The following KCNV2 variants were observed in gnomAD, a reference collection of about 807,000 sequenced individuals.
The protein encoded by KCNV2 is potassium voltage-gated channel subfamily V member 2.
In KCNV2, 65 loss-of-function variants were observed where a neutral mutation model predicts 37.0. The ratio of observed to expected loss-of-function variants is 1.76; its 90% CI spans 1.44 to 2.16. KCNV2 has a LOEUF of 2.16. Among genes scored for constraint, KCNV2 ranks in the 30% most tolerant of loss-of-function variants. The pLI is 0.00. For synonymous variants in KCNV2, 518 were observed against 328.6 expected, an observed-to-expected ratio of 1.58 and a Z score of -6.23; for missense variants, 1,232 against 766.7, an observed-to-expected ratio of 1.61 and a Z score of -7.17.
chr9:2,720,975 C>A (rs1031594114), intron 1 of KCNV2, among the ~76,000 whole-genome samples: 3 of 152,174 alleles, frequency 2.0e-5, no homozygotes, highest in Non-Finnish European at 4.4e-5. Context: ...ACAATGAAGT[C>A]TAAACCTTTC....
chr9:2,728,376 C>T (rs548079972), intron 1 of KCNV2, among the ~76,000 whole-genome samples: 26 of 152,276 alleles, frequency 1.7e-4, no homozygotes, highest in African/African-American at 5.8e-4. Flanking sequence ...GCTTAAAAGG[C>T]TTCTAGTAAT....
chr9:2,724,301 C>G (rs546433794), intron 1 of KCNV2, among the ~76,000 whole-genome samples: 1 of 152,254 alleles, frequency 6.6e-6, no homozygotes, highest in East Asian at 1.9e-4. Context: ...CTTACAAGAT[C>G]ACTGAAATTA....
intron 1 of KCNV2, among the ~76,000 whole-genome samples, chr9:2,721,243 A>G (rs1335659798): frequency 6.6e-6 from 1 of 152,206 alleles, no homozygotes; most frequent in Non-Finnish European, 1.5e-5. Flanking sequence ...TCTGAAAATT[A>G]TTTATACCAG....
Position 2,729,614 on chromosome 9 carries a change from A to G in KCNV2, c.1525A>G (p.Thr509Ala), listed in dbSNP as rs140745549. The G allele has an allele frequency of 2.0e-5, 33 of 1,614,116 alleles. No individual in the cohort carries two copies. In the African/African-American group the frequency reaches 4.4e-4, roughly 22 times the overall value. Residue 509 changes from threonine to alanine, a missense_variant, in exon 2 of 2, where the codon ACC becomes GCC. Thr to Ala is a moderately conservative substitution (Grantham distance 58, BLOSUM62 0). Transcript: ENST00000382082. Reference protein sequence around the residue: ...YYSKLKAYEYTTIRRERGEVN... With the variant: ...YYSKLKAYEYATIRRERGEVN... ...CAGCAAGCTGAAGGCTTATGAGTAT[A>G]CCACCATACGCAGGGAGAGGGGAGA...
rs1430572787 is a variant in KCNV2, at chr9:2,718,318, G to A, written c.579G>A (p.Lys193=). The A allele has an allele frequency of 1.2e-6, 2 of 1,606,628 alleles. No individual in the cohort carries two copies. The highest frequency in any genetic ancestry group is 8.5e-7 in the Non-Finnish European group (1 of 1,178,354). ...EELGYWGVRL[K]YTPRCCRICF... is the part of the protein sequence containing the mutation. ...TGGGCTACTGGGGCGTGCGGCTCAA[G>A]TACACGCCACGCTGCTGCCGCATCT... Residue 193 remains lysine, a synonymous_variant, in exon 1 of 2, where the codon AAG becomes AAA. Coordinates refer to ENST00000382082, the MANE Select transcript of KCNV2 (RefSeq NM_133497.4).
At position 2,718,700 on chromosome 9, in the gene KCNV2, C is replaced by A. The variant is rs754637111; in HGVS notation, c.961C>A (p.Leu321Ile). The A allele has an allele frequency of 3.7e-6, 6 of 1,613,074 alleles. No individual in the cohort carries two copies. In the South Asian group the frequency reaches 6.6e-5, roughly 18 times the overall value. Residue 321 changes from leucine (L) to isoleucine (I), a missense_variant, in exon 1 of 2, where the codon CTA becomes ATA. Physicochemically the swap from Leu to Ile is conservative, Grantham distance 5. Coordinates refer to ENST00000382082, the MANE Select transcript of KCNV2 (RefSeq NM_133497.4). ...GFFTLEYLLR[L>I]ASTPDLRRFA... ...CTTCACGCTCGAGTACCTGCTGCGC[C>A]TAGCCTCCACGCCCGACCTGAGGCG...
rs752937634 is a variant in KCNV2, at chr9:2,729,683, T to C, written c.1594T>C (p.Leu532=). 1.2e-6 allele frequency: 2 copies of C among 1,614,106 alleles called. No individual in the cohort carries two copies. Among genetic ancestry groups the C allele is most frequent in the South Asian group, 1.1e-5 (1 of 91,076 alleles). The part of the protein sequence containing the change: ...QRARKKIAEC[L]LGSNPQLTPR... ...AGCCAGAAAGAAGATAGCTGAGTGTTTGCTTGGAAGCAACCCACAGCTCAC... is the reference window on the plus strand; with the variant it reads ...AGCCAGAAAGAAGATAGCTGAGTGTCTGCTTGGAAGCAACCCACAGCTCAC... Residue 532 remains leucine, a synonymous_variant, in exon 2 of 2, where the codon TTG becomes CTG. Transcript: ENST00000382082.
intron 1 of KCNV2, 25 bp downstream of exon 1, chr9:2,719,120 C>A (rs1819813963): frequency 1.1e-5 from 17 of 1,602,298 alleles, no homozygotes; most frequent in Non-Finnish European, 1.4e-5. Context: ...CCTGGGCTTT[C>A]CCATCCTCTT....
Position 2,718,552 on chromosome 9 carries a change from C to T in KCNV2, c.813C>T (p.Leu271=), listed in dbSNP as rs896414258. The T allele has an allele frequency of 1.6e-5, 26 of 1,612,008 alleles. No individual in the cohort carries two copies. Among genetic ancestry groups the T allele is most frequent in the East Asian group, 2.2e-5 (1 of 44,826 alleles). The change falls in exon 1 of 2, where the codon CTC becomes CTT. Residue 271 remains leucine (L), a synonymous_variant. Coordinates refer to ENST00000382082, the MANE Select transcript of KCNV2 (RefSeq NM_133497.4). ...GGGTGGCCTCCAGCACCTTCGTGCT[C>T]GTCTCCGTGGTGGCGCTGGCGCTCA... The part of the protein sequence containing the change: ...AIGVASSTFV[L]VSVVALALNT...
In KCNV2 at chr9:2,718,270, T is replaced by A. The variant is rs1282433030; in HGVS notation, c.531T>A (p.Cys177Ter). ...SGVLLVLDGL[C>*]PRRFLEELGY... The stretch of plus-strand genomic sequence containing the variant: ...TGCTGCTGGTGCTCGACGGGCTGTG[T>A]CCGCGCCGCTTCCTGGAGGAGCTGG... Residue 177 changes from cysteine to a stop codon, truncating the protein, a stop_gained, in exon 1 of 2, where the codon TGT (cysteine) becomes TGA (stop). Coordinates refer to ENST00000382082, the MANE Select transcript of KCNV2 (RefSeq NM_133497.4). LOFTEE classifies it high-confidence loss of function. 3.7e-6 allele frequency: 6 copies of A among 1,612,246 alleles called. No homozygotes were observed. The African/African-American group carries it at 5.3e-5, about 14-fold the overall frequency.
Position 2,717,632 on chromosome 9 carries a change from C to G in KCNV2, c.-108C>G, listed in dbSNP as rs963795310. 6.9e-6 allele frequency: 10 copies of G among 1,450,420 alleles called. No homozygotes were observed. Among genetic ancestry groups the G allele is most frequent in the Middle Eastern group, 2.0e-4 (1 of 4,988 alleles). The allele number at this position is 1,450,420 out of a possible 1,614,324, so 89.8% of individuals were successfully genotyped here. On this transcript the variant is annotated 5_prime_UTR_variant, in exon 1 of 2. Coordinates refer to ENST00000382082, the MANE Select transcript of KCNV2 (RefSeq NM_133497.4). Reference sequence around the variant, plus strand: ...TAGCTGTGCTGGTCCGGGCTGGCCTCTCTAAGACAGTGCAGGCCACGTGAT... The same window carrying G: ...TAGCTGTGCTGGTCCGGGCTGGCCTGTCTAAGACAGTGCAGGCCACGTGAT...
At chr9:2,727,225 A>G (rs911624255) in intron 1 of KCNV2, among the ~76,000 whole-genome samples, 4 of 150,280 alleles carry the variant, frequency 2.7e-5, no homozygotes, top group African/African-American at 9.8e-5. Context: ...GGTGTGGTCA[A>G]TGACAAGAAA....
chr9:2,718,545 T>C lies in KCNV2; in HGVS notation c.806T>C (p.Phe269Ser), dbSNP rs774907955. The C allele has an allele frequency of 6.2e-7, 1 of 1,611,882 alleles. No individual in the cohort carries two copies. ...AKAIGVASST[F>S]VLVSVVALAL... ...GCCATCGGGGTGGCCTCCAGCACCT[T>C]CGTGCTCGTCTCCGTGGTGGCGCTG... The change falls in exon 1 of 2, where the codon TTC becomes TCC. Residue 269 changes from phenylalanine (F) to serine (S), a missense_variant. Physicochemically the swap from Phe to Ser is radical, Grantham distance 155. Transcript: ENST00000382082.
At chr9:2,722,616 GTTAT>G (rs1819899704) in intron 1 of KCNV2, among the ~76,000 whole-genome samples, 1 of 149,948 alleles carries the variant, frequency 6.7e-6, no homozygotes, top group Non-Finnish European at 1.5e-5. Context: ...TAAATTAGAA[GTTAT>G]TTATTTATAA....
chr9:2,718,885 GCGCATCTTC>G lies in KCNV2; in HGVS notation c.1153_1161del (p.Phe385_Ile387del). The G allele has an allele frequency of 6.2e-7, 1 of 1,608,972 alleles. No individual in the cohort carries two copies. The highest frequency in any genetic ancestry group is 8.5e-7 in the Non-Finnish European group (1 of 1,179,992). On this transcript the variant is annotated inframe_deletion, in exon 1 of 2. Coordinates refer to ENST00000382082, the MANE Select transcript of KCNV2 (RefSeq NM_133497.4). ...AGGTGTTGCGCGTCATGCGCCTCAT[GCGCATCTTC>G]CGCATCCTCAAGCTGGCGCGCCACT... is the stretch of plus-strand genomic sequence containing the variant.
At position 2,719,038 on chromosome 9, in the gene KCNV2, G is replaced by T; in HGVS notation, c.1299G>T (p.Glu433Asp). 6.2e-7 allele frequency: 1 copy of T among 1,612,780 alleles called. No homozygotes were observed. Among genetic ancestry groups the T allele is most frequent in the Non-Finnish European group, 8.5e-7 (1 of 1,180,030 alleles). ...TCTCTGCGGCTGTCTACTCTGTGGAGCACGATGTGCCCAGCACCAACTTCA... is the reference window on the plus strand; with the variant it reads ...TCTCTGCGGCTGTCTACTCTGTGGATCACGATGTGCCCAGCACCAACTTCA... ...FTFSAAVYSV[E>D]HDVPSTNFTT... The change falls in exon 1 of 2, where the codon GAG becomes GAT. Residue 433 changes from glutamate (E) to aspartate (D), a missense_variant. By Grantham distance (45) the Glu-to-Asp change is conservative. Transcript: ENST00000382082.
At chr9:2,719,293 G>C (rs1298041226) in intron 1 of KCNV2, among the ~76,000 whole-genome samples, 198 bp downstream of exon 1, 4 of 152,166 alleles carry the variant, frequency 2.6e-5, no homozygotes, top group East Asian at 1.9e-4. Context: ...CAGTAAGTAA[G>C]TGAATTTGAC....
chr9:2,719,270 G>T (rs577287093), intron 1 of KCNV2, among the ~76,000 whole-genome samples, 175 bp downstream of exon 1: 1 of 152,276 alleles, frequency 6.6e-6, no homozygotes, highest in South Asian at 2.1e-4. Context: ...GGTGGAAAGA[G>T]AACTCAGCAG....
Position 2,718,457 on chromosome 9 carries a change from G to T in KCNV2, c.718G>T (p.Gly240Cys), listed in dbSNP as rs760387745. The T allele has an allele frequency of 1.6e-5, 26 of 1,607,900 alleles. No individual in the cohort carries two copies. The South Asian group carries it at 2.1e-4, about 13-fold the overall frequency. ...EELFRDMRFY[G>C]PQRRRLWNLM... is the part of the protein sequence containing the mutation. The stretch of plus-strand genomic sequence containing the variant: ...ACTCTTCCGCGACATGCGCTTCTAC[G>T]GCCCGCAGCGGCGCCGCCTCTGGAA... The change falls in exon 1 of 2, where the codon GGC (glycine) becomes TGC (cysteine). Residue 240 changes from glycine to cysteine, a missense_variant. By Grantham distance (159) the Gly-to-Cys change is radical (BLOSUM62 -3). Coordinates refer to ENST00000382082, the MANE Select transcript of KCNV2 (RefSeq NM_133497.4).
Sources: allele counts gnomAD v4.1 joint callset (sites outside exome capture counted in the v4.1 genomes callset), GRCh38; gene constraint gnomAD v4.1.1; transcripts MANE v1.5; gene names NCBI Gene and HGNC (gene_info 2026-07-23, HGNC 2026-07-21).